Variants in EPHA6 observed in about 807,000 individuals in gnomAD.
EPHA6 encodes the protein ephrin type-A receptor 6.
In EPHA6, 50 loss-of-function variants were observed where a neutral mutation model predicts 112.0. That is an observed-to-expected ratio of 0.45 (90% confidence interval 0.36 to 0.56). EPHA6 has a LOEUF of 0.56. EPHA6 is among the 20% of genes least tolerant of loss of function. EPHA6 has a pLI of 0.00. For missense variants in EPHA6, 1,280 were observed against 1,417.4 expected (o/e 0.90, Z 1.56); for synonymous variants, 529 against 490.7 (o/e 1.08, Z -1.03).
intron 5 of EPHA6, among the ~76,000 whole-genome samples, chr3:97,271,365 C>T (rs976769184): frequency 1.3e-5 from 2 of 152,178 alleles, no homozygotes; most frequent in Admixed American, 6.5e-5. Context: ...TCTTCAAATT[C>T]CTTTAATTTT....
chr3:97,127,081 T>G (rs1444509690), intron 3 of EPHA6, among the ~76,000 whole-genome samples: 1 of 151,962 alleles, frequency 6.6e-6, no homozygotes, highest in Non-Finnish European at 1.5e-5. Context: ...ACATACAAAT[T>G]CATTTAATAA....
intron 1 of EPHA6, among the ~76,000 whole-genome samples, chr3:96,841,015 G>A (rs779656131): frequency 5.9e-5 from 9 of 152,138 alleles, no homozygotes; most frequent in African/African-American, 1.7e-4. Context: ...ACATGTGCCC[G>A]TGATAGTCTC....
At chr3:97,186,341 A>G (rs1351325159) in intron 3 of EPHA6, among the ~76,000 whole-genome samples, 1 of 152,084 alleles carries the variant, frequency 6.6e-6, no homozygotes, top group Non-Finnish European at 1.5e-5. Flanking sequence ...TACTGGTACT[A>G]TTCTCAGAAG....
rs1559789965 is a variant in EPHA6, at chr3:97,194,799, TC to T, written c.1115-31463del. 2.0e-5 allele frequency among the ~76,000 whole-genome samples: 3 copies of T among 151,586 alleles called. No homozygotes were observed. In the South Asian group the frequency reaches 6.2e-4, roughly 32 times the overall value. ...TGTTATATCCTCTTACTGAATTGAC[TC>T]CATTGTCATTGTACAATGACTATCT... On this transcript the variant is annotated intron_variant, in intron 3 of 17. Transcript: ENST00000389672.
chr3:97,709,981 T>C (rs1316207031), intron 14 of EPHA6, among the ~76,000 whole-genome samples: 1 of 152,210 alleles, frequency 6.6e-6, no homozygotes, highest in Non-Finnish European at 1.5e-5. Context: ...CTGAAGTAGT[T>C]CTTTATAGCA....
intron 11 of EPHA6, among the ~76,000 whole-genome samples, chr3:97,585,692 G>A (rs1032976395): frequency 6.6e-6 from 1 of 151,020 alleles, no homozygotes; most frequent in African/African-American, 2.5e-5. Flanking sequence ...GGGTTAGTGT[G>A]CAGGTAAAGA....
At chr3:96,898,703 G>C (rs527342886) in intron 2 of EPHA6, among the ~76,000 whole-genome samples, 1 of 151,986 alleles carries the variant, frequency 6.6e-6, no homozygotes, top group Non-Finnish European at 1.5e-5. Flanking sequence ...TAGGGCTGTC[G>C]TGACAAATAA....
chr3:96,991,443 T>C (rs1165118830), intron 3 of EPHA6, among the ~76,000 whole-genome samples: 1 of 152,170 alleles, frequency 6.6e-6, no homozygotes, highest in African/African-American at 2.4e-5. Context: ...TTTCTCTATG[T>C]GGCCTCTCAT....
chr3:96,897,775 A>G (rs922498569), intron 2 of EPHA6, among the ~76,000 whole-genome samples: 1 of 152,206 alleles, frequency 6.6e-6, no homozygotes, highest in African/African-American at 2.4e-5. Context: ...GCAAAATTCT[A>G]AATATCTGTG....
At chr3:97,355,093 A>G (rs75510706) in intron 5 of EPHA6, among the ~76,000 whole-genome samples, 2,237 of 152,308 alleles carry the variant, frequency 0.015, 49 homozygotes, top group African/African-American at 0.049. Context: ...TCAGCACCAG[A>G]ACTGTCCTAC....
At chr3:97,179,751 C>G (rs2076936609) in intron 3 of EPHA6, among the ~76,000 whole-genome samples, 1 of 151,210 alleles carries the variant, frequency 6.6e-6, no homozygotes. Flanking sequence ...CTCTCTCTCT[C>G]TCTCTCTCTC....
At chr3:96,852,141 A>G (rs2035427880) in intron 1 of EPHA6, among the ~76,000 whole-genome samples, 1 of 152,090 alleles carries the variant, frequency 6.6e-6, no homozygotes, top group African/African-American at 2.4e-5. Flanking sequence ...GGAGTTTTAA[A>G]TTTCTAAGAA....
At chr3:97,513,901 A>G (rs1055965250) in intron 10 of EPHA6, among the ~76,000 whole-genome samples, 8 of 152,198 alleles carry the variant, frequency 5.3e-5, no homozygotes, top group African/African-American at 1.9e-4. Context: ...GAGAAAAATG[A>G]ACAGAAAATT....
At chr3:97,423,297 T>C (rs2088831592) in intron 6 of EPHA6, among the ~76,000 whole-genome samples, 1 of 152,204 alleles carries the variant, frequency 6.6e-6, no homozygotes, top group Non-Finnish European at 1.5e-5. Flanking sequence ...ATAAAAAATT[T>C]CAACAACTTT....
chr3:97,653,554 G>A lies in EPHA6; in HGVS notation c.2784+15472G>A, dbSNP rs779036825. Reference sequence around the variant, plus strand: ...AAGTGAACTTTTGCACATTGTGCATGGTAATGTAAATTGGTACAGCTATCA... The same window carrying A: ...AAGTGAACTTTTGCACATTGTGCATAGTAATGTAAATTGGTACAGCTATCA... On this transcript the variant is annotated intron_variant, in intron 14 of 17. Coordinates refer to ENST00000389672, the MANE Select transcript of EPHA6 (RefSeq NM_001080448.3). Among the ~76,000 whole-genome samples the A allele has an allele frequency of 3.4e-4, 51 of 151,986 alleles. No homozygotes were observed. The Middle Eastern group carries it at 0.01, about 30-fold the overall frequency.
At chr3:96,830,167 A>G (rs1213086292) in intron 1 of EPHA6, among the ~76,000 whole-genome samples, 1 of 152,126 alleles carries the variant, frequency 6.6e-6, no homozygotes, top group Non-Finnish European at 1.5e-5. Context: ...AGTATTCTGA[A>G]TATAACTTGC....
chr3:97,330,094 T>C (rs2082706361), intron 5 of EPHA6, among the ~76,000 whole-genome samples: 1 of 152,088 alleles, frequency 6.6e-6, no homozygotes, highest in Non-Finnish European at 1.5e-5. Flanking sequence ...CCATTTCTTG[T>C]TTTTGTCAGG....
intron 10 of EPHA6, among the ~76,000 whole-genome samples, chr3:97,494,907 T>C (rs537105999): frequency 6.6e-6 from 1 of 152,322 alleles, no homozygotes; most frequent in South Asian, 2.1e-4. Flanking sequence ...CCATCCGACA[T>C]GATGTCTAGA....
chr3:97,508,188 T>C (rs1450059148), intron 10 of EPHA6, among the ~76,000 whole-genome samples: 1 of 152,182 alleles, frequency 6.6e-6, no homozygotes, highest in Non-Finnish European at 1.5e-5. Context: ...ATCTTAGTTA[T>C]TTCTTGTCTT....
Sources: gnomAD v4.1 joint callset for allele counts (sites outside exome capture counted in the v4.1 genomes callset) on GRCh38, gnomAD v4.1.1 for gene constraint, MANE v1.5 for transcripts, NCBI Gene and HGNC (gene_info 2026-07-23, HGNC 2026-07-21) for gene names.